Variants in SOX6 observed in about 807,000 individuals in gnomAD.
SOX6 encodes transcription factor SOX-6.
A neutral mutation model predicts 97.8 loss-of-function variants in SOX6; 11 were observed. That is an observed-to-expected ratio of 0.11 (90% CI 0.07 to 0.19). The LOEUF is 0.19. SOX6 is among the 10% of genes least tolerant of loss of function. The probability of loss-of-function intolerance (pLI) is 1.00; values close to 1 mark genes in which losing one functional copy is unlikely to be tolerated. For missense variants in SOX6, 810 were observed against 1,039.5 expected (o/e 0.78, Z 3.04); for synonymous variants, 360 against 371.4 (o/e 0.97, Z 0.35).
chr11:16,483,813 T>TTGAG (rs1860387124), intron 4 of SOX6, among the ~76,000 whole-genome samples: 1 of 152,210 alleles, frequency 6.6e-6, no homozygotes, highest in Non-Finnish European at 1.5e-5. Context: ...CCTGTTGTAG[T>TTGAG]TGAGTGAGGT....
intron 4 of SOX6, among the ~76,000 whole-genome samples, chr11:16,204,027 T>C (rs1432193038): frequency 3.3e-5 from 5 of 152,068 alleles, no homozygotes; most frequent in Non-Finnish European, 5.9e-5. Flanking sequence ...AATGCACATG[T>C]TAATTAACTA....
intron 3 of SOX6, among the ~76,000 whole-genome samples, chr11:16,622,738 GTC>G (rs1848563319): frequency 6.6e-6 from 1 of 152,162 alleles, no homozygotes; most frequent in Admixed American, 6.5e-5. Flanking sequence ...GCATGTGCAA[GTC>G]TCTTTTTCGT....
intron 6 of SOX6, among the ~76,000 whole-genome samples, chr11:16,178,195 G>C (rs1373046940): frequency 6.6e-6 from 1 of 151,896 alleles, no homozygotes; most frequent in Non-Finnish European, 1.5e-5. Flanking sequence ...AGTCTAGCAT[G>C]ACTAATGTGG....
intron 4 of SOX6, among the ~76,000 whole-genome samples, chr11:16,586,275 T>A (rs202018903): frequency 1.3e-5 from 2 of 149,566 alleles, no homozygotes; most frequent in East Asian, 4.0e-4. Flanking sequence ...GAAAAAAAAA[T>A]AACATAAATT....
intron 7 of SOX6, among the ~76,000 whole-genome samples, chr11:16,111,159 C>A (rs1199663588): frequency 6.6e-6 from 1 of 152,168 alleles, no homozygotes; most frequent in Non-Finnish European, 1.5e-5. Flanking sequence ...AGCTTCAAAC[C>A]ATTATGCCCC....
chr11:16,523,632 C>A (rs1339767112), intron 4 of SOX6, among the ~76,000 whole-genome samples: 1 of 151,946 alleles, frequency 6.6e-6, no homozygotes, highest in Non-Finnish European at 1.5e-5. Flanking sequence ...TAACTAAGAT[C>A]AGAGCAAAAC....
chr11:16,242,736 T>C (rs938073498), intron 3 of SOX6, among the ~76,000 whole-genome samples: 41 of 151,876 alleles, frequency 2.7e-4, no homozygotes, highest in East Asian at 1.9e-4. Context: ...ATTGACTTTA[T>C]AGTTAATGCC....
intron 3 of SOX6, among the ~76,000 whole-genome samples, chr11:16,681,453 T>G (rs2134029952): frequency 6.6e-6 from 1 of 152,274 alleles, no homozygotes; most frequent in Admixed American, 6.5e-5. Context: ...GGGACACATT[T>G]AAAGCAGTGT....
intron 12 of SOX6, among the ~76,000 whole-genome samples, chr11:16,029,411 G>T (rs892547458): frequency 5.3e-5 from 8 of 152,118 alleles, no homozygotes; most frequent in Non-Finnish European, 2.9e-5. Context: ...GCCGAGGCGG[G>T]TGAATCACAA....
In SOX6 at chr11:16,341,107, G is replaced by A. The variant is rs747618977; in HGVS notation, c.142C>T (p.His48Tyr). The A allele has an allele frequency of 6.2e-6, 10 of 1,613,548 alleles. No homozygotes were observed. Among genetic ancestry groups the A allele is most frequent in the Non-Finnish European group, 8.5e-6 (10 of 1,179,592 alleles). The change falls in exon 2 of 16, where the codon CAC becomes TAC. Residue 48 changes from histidine to tyrosine, a missense_variant. By Grantham distance (83) the His-to-Tyr change is moderately conservative. Around this residue, in one of 9 missense-constraint regions of SOX6, gnomAD observed 100 missense variants for 94.6 expected, o/e 1.06. Coordinates refer to ENST00000683767, the MANE Select transcript of SOX6 (RefSeq NM_001367873.1). ...ASHLPLHPIM[H>Y]NKPHSEELPT... ...AGCTCCTCAGAGTGAGGTTTGTTGT[G>A]CATTATGGGGTGCAGAGGCAGATGG... is the stretch of plus-strand genomic sequence containing the variant.
At chr11:16,728,236 C>T (rs1848322392) in intron 2 of SOX6, among the ~76,000 whole-genome samples, 1 of 152,322 alleles carries the variant, frequency 6.6e-6, no homozygotes, top group Non-Finnish European at 1.5e-5. Flanking sequence ...TGCTAAGGGA[C>T]AGACTGCCTC....
At position 16,284,997 on chromosome 11, in the gene SOX6, G is replaced by A. The variant is rs376935905; in HGVS notation, c.445+33449C>T. 1.7e-4 allele frequency among the ~76,000 whole-genome samples: 26 copies of A among 152,172 alleles called. No individual in the cohort carries two copies. The South Asian group carries it at 2.1e-3, about 12-fold the overall frequency. ...TTAAAAGCACATAGTATATACTTCAGTTGCAAATTAGATTATAAATTATAA... is the reference window on the plus strand; with the variant it reads ...TTAAAAGCACATAGTATATACTTCAATTGCAAATTAGATTATAAATTATAA... On this transcript the variant is annotated intron_variant, in intron 3 of 15. Transcript: ENST00000683767.
chr11:16,585,160 T>A (rs994807815), intron 4 of SOX6, among the ~76,000 whole-genome samples: 6 of 152,242 alleles, frequency 3.9e-5, no homozygotes, highest in African/African-American at 1.4e-4. Context: ...TACTCAAACG[T>A]CACTGTGTTG....
chr11:16,554,607 T>C (rs66650309), intron 4 of SOX6, among the ~76,000 whole-genome samples: 22,340 of 152,108 alleles, frequency 0.15, 1,814 homozygotes, highest in African/African-American at 0.22. Flanking sequence ...CAAAAATTAC[T>C]CAAAACCTTC....
At chr11:16,674,569 A>T (rs1847871489) in intron 3 of SOX6, among the ~76,000 whole-genome samples, 1 of 152,174 alleles carries the variant, frequency 6.6e-6, no homozygotes, top group South Asian at 2.1e-4. Flanking sequence ...CAAGAGAAAG[A>T]AATAAAGGGC....
At chr11:16,624,179 T>TA (rs1221189479) in intron 3 of SOX6, among the ~76,000 whole-genome samples, 2 of 65,330 alleles carry the variant, frequency 3.1e-5, no homozygotes, top group African/African-American at 1.2e-4. Flanking sequence ...ATTTTTATTT[T>TA]TTTATTTTAT....
chr11:16,142,868 C>T (rs1299871788), intron 6 of SOX6, among the ~76,000 whole-genome samples: 2 of 151,822 alleles, frequency 1.3e-5, no homozygotes, highest in Non-Finnish European at 1.5e-5. Context: ...AGCAAATCTA[C>T]GTCTGATTGG....
chr11:16,404,371 G>A (rs934657791), intron 1 of SOX6, among the ~76,000 whole-genome samples: 2 of 151,676 alleles, frequency 1.3e-5, no homozygotes, highest in East Asian at 1.9e-4. Flanking sequence ...CCCTCACCAC[G>A]GGAATTCTGC....
intron 3 of SOX6, among the ~76,000 whole-genome samples, chr11:16,642,608 C>A (rs1386364940): frequency 6.6e-6 from 1 of 152,136 alleles, no homozygotes; most frequent in Non-Finnish European, 1.5e-5. Context: ...AGGCTTTGTT[C>A]ATTTCTTTTT....
Sources: gnomAD v4.1 joint callset for allele counts (sites outside exome capture counted in the v4.1 genomes callset) on GRCh38, gnomAD v4.1.1 for gene constraint, gnomAD v4.1.1 regional missense constraint, MANE v1.5 for transcripts, NCBI Gene and HGNC (gene_info 2026-07-23, HGNC 2026-07-21) for gene names.